MYOM1: variants seen among roughly 807,000 people sequenced by gnomAD.
The protein encoded by MYOM1 is myomesin 1, also known as myomesin-1.
A neutral mutation model predicts 205.3 loss-of-function variants in MYOM1; 164 were observed. That is an observed-to-expected ratio of 0.80 (90% confidence interval 0.70 to 0.91). The LOEUF is 0.91. Ranked by LOEUF, MYOM1 falls within the 40% of genes least tolerant of loss-of-function variation. The probability of loss-of-function intolerance (pLI) is 0.00; values close to 1 mark genes in which losing one functional copy is unlikely to be tolerated. For missense variants in MYOM1, 2,011 were observed against 2,127.3 expected, an observed-to-expected ratio of 0.95 and a Z score of 1.08; for synonymous variants, 772 against 789.4, an observed-to-expected ratio of 0.98 and a Z score of 0.37.
upstream of MYOM1, among the ~76,000 whole-genome samples, chr18:3,222,533 A>G (rs1248617138): frequency 6.6e-6 from 1 of 152,244 alleles, no homozygotes; most frequent in African/African-American, 2.4e-5. Context: ...TATTTTTAAC[A>G]AGGATGAAAG....
At position 3,178,169 on chromosome 18, in the gene MYOM1, G is replaced by A. The variant is rs192819678; in HGVS notation, c.930-2035C>T. On this transcript the variant is annotated intron_variant, in intron 5 of 37. Transcript: ENST00000356443. ...AGCCCACTTCGCACGCACAGATGAC[G>A]TCAATAACCCTGATTAACATAGCTG... 2.2e-4 allele frequency among the ~76,000 whole-genome samples: 33 copies of A among 152,302 alleles called. No homozygotes were observed. In the East Asian group the frequency reaches 6.4e-3, roughly 29 times the overall value.
rs1029208163 is a variant in MYOM1 at position 3,135,002 on chromosome 18, G to A, written c.2210-178C>T. ...CTCGCTCTGTCACCCAGGCTGGAGAGCAGTGGCGGGATCTCGGCTCACTGC... is the reference window on the plus strand; with the variant it reads ...CTCGCTCTGTCACCCAGGCTGGAGAACAGTGGCGGGATCTCGGCTCACTGC... On this transcript the variant is annotated intron_variant, in intron 15 of 37. Coordinates refer to ENST00000356443, the MANE Select transcript of MYOM1 (RefSeq NM_003803.4). This position sits in a 1 kb window ranked among gnomAD's most constrained non-coding sequence, Gnocchi z 4.1. The A allele has an allele frequency of 3.3e-5, 20 of 597,708 alleles. No individual in the cohort carries two copies. The highest frequency in any genetic ancestry group is 5.1e-5 in the Non-Finnish European group (18 of 349,728). The allele number at this position is 597,708 out of a possible 1,614,324, so 37.0% of individuals were successfully genotyped here.
chr18:3,133,772 C>T (rs555761308), intron 16 of MYOM1, among the ~76,000 whole-genome samples: 2 of 152,140 alleles, frequency 1.3e-5, no homozygotes, highest in Non-Finnish European at 2.9e-5. Flanking sequence ...AAGTGTTTAA[C>T]ATCATAAGTG....
At chr18:3,101,909 C>T (rs1359336297) in intron 23 of MYOM1, among the ~76,000 whole-genome samples, 2 of 151,368 alleles carry the variant, frequency 1.3e-5, no homozygotes, top group Non-Finnish European at 2.9e-5. Flanking sequence ...TGGTCTTGAA[C>T]CCCTAGGCTC....
chr18:3,165,384 C>G (rs1175763319), intron 9 of MYOM1, among the ~76,000 whole-genome samples: 1 of 152,092 alleles, frequency 6.6e-6, no homozygotes, highest in South Asian at 2.1e-4. Flanking sequence ...ATTCAGGATG[C>G]CTGTTTATGT....
chr18:3,134,590 C>A, intron 16 of MYOM1, 60 bp downstream of exon 16: 1 of 1,498,340 alleles, frequency 6.7e-7, no homozygotes, highest in South Asian at 1.4e-5. Flanking sequence ...GTCTGTGTGC[C>A]GTATGTGTCT....
chr18:3,202,633 A>G (rs895790394), intron 2 of MYOM1, among the ~76,000 whole-genome samples: 2 of 152,176 alleles, frequency 1.3e-5, no homozygotes, highest in African/African-American at 4.8e-5. Context: ...ATGTATATAC[A>G]CCTAACAACA....
intron 5 of MYOM1, among the ~76,000 whole-genome samples, chr18:3,176,711 T>C (rs971515852): frequency 6.6e-6 from 1 of 151,244 alleles, no homozygotes; most frequent in Non-Finnish European, 1.5e-5. Flanking sequence ...TGAAATACCA[T>C]CTCTACTAGT....
At chr18:3,214,214 C>CTGTGA (rs1406927904) in intron 2 of MYOM1, among the ~76,000 whole-genome samples, 1 of 152,182 alleles carries the variant, frequency 6.6e-6, no homozygotes, top group African/African-American at 2.4e-5. Context: ...GTTCAGTCTC[C>CTGTGA]TGTGCCCTGT....
chr18:3,149,516 C>T (rs1290490899), intron 12 of MYOM1, among the ~76,000 whole-genome samples: 1 of 152,132 alleles, frequency 6.6e-6, no homozygotes, highest in East Asian at 1.9e-4. Context: ...TCTCCTGGAA[C>T]AGGTAGGCTT....
At chr18:3,082,204 G>T (rs2143673513) in intron 33 of MYOM1, among the ~76,000 whole-genome samples, 1 of 152,276 alleles carries the variant, frequency 6.6e-6, no homozygotes, top group Admixed American at 6.5e-5. Flanking sequence ...ACACGGCCCA[G>T]CTCCTAGTAG....
chr18:3,134,677 C>T lies in MYOM1; in HGVS notation c.2357G>A (p.Cys786Tyr), dbSNP rs1167997442. Residue 786 changes from cysteine (C) to tyrosine (Y), a missense_variant, in exon 16 of 38, where the codon TGT becomes TAT. Coordinates refer to ENST00000356443, the MANE Select transcript of MYOM1 (RefSeq NM_003803.4). ...SVAGSGKWEP[C>Y]NNNPVKGSRF... is the part of the protein sequence containing the mutation. ...TGAGCCCTTCACGGGGTTGTTGTTA[C>T]AGGGCTCCCACTTGCCAGAGCCAGC... 2 of 1,613,714 alleles carry T rather than the reference C, an allele frequency of 1.2e-6. No individual in the cohort carries two copies. The highest frequency in any genetic ancestry group is 3.3e-5 in the Admixed American group (2 of 59,998).
chr18:3,108,888 T>C (rs928293345), intron 22 of MYOM1, among the ~76,000 whole-genome samples: 2 of 152,046 alleles, frequency 1.3e-5, no homozygotes, highest in African/African-American at 4.8e-5. Flanking sequence ...ACCCACCAGG[T>C]AGTGCCTTGT....
At chr18:3,091,477 T>TA (rs781385054) in intron 26 of MYOM1, among the ~76,000 whole-genome samples, 558 of 144,316 alleles carry the variant, frequency 3.9e-3, no homozygotes, top group Middle Eastern at 7.0e-3. Flanking sequence ...AGACCATGTC[T>TA]AAAAAAAAAA....
chr18:3,193,543 C>T (rs999569665), intron 3 of MYOM1, among the ~76,000 whole-genome samples: 1 of 152,142 alleles, frequency 6.6e-6, no homozygotes. Flanking sequence ...AACCATCCTA[C>T]GTGATGGCAA....
chr18:3,180,836 T>G (rs1325264678), intron 5 of MYOM1, among the ~76,000 whole-genome samples: 1 of 152,120 alleles, frequency 6.6e-6, no homozygotes, highest in African/African-American at 2.4e-5. Context: ...GGGGTCACAG[T>G]AAAAGCTCTT....
At position 3,072,370 on chromosome 18, in the gene MYOM1, T is replaced by TTTTTTTTTTTTTTTG. The variant is rs768555182; in HGVS notation, c.4709-482_4709-481insCAAAAAAAAAAAAAA. Among the ~76,000 whole-genome samples the TTTTTTTTTTTTTTTG allele has an allele frequency of 7.7e-3, 893 of 115,892 alleles. 98 individuals carry two copies. The highest frequency in any genetic ancestry group is 0.012 in the East Asian group (46 of 3,840). The allele number at this position is 115,892 out of a possible 152,430, so 76.0% of individuals were successfully genotyped here. On this transcript the variant is annotated intron_variant, in intron 36 of 37. Transcript: ENST00000356443. ...CCCGGCTTTTTTTTTTTTTTTTTTT[T>TTTTTTTTTTTTTTTG]TGAGGCAGAGTCTCGCTCTGTCACC...
At position 3,102,525 on chromosome 18, in the gene MYOM1, T is replaced by C. The variant is rs1567906562; in HGVS notation, c.3524A>G (p.Tyr1175Cys). Residue 1175 changes from tyrosine (Y) to cysteine (C), a missense_variant, in exon 23 of 38, where the codon TAT (tyrosine) becomes TGT (cysteine). Coordinates refer to ENST00000356443, the MANE Select transcript of MYOM1 (RefSeq NM_003803.4). ...PKSEFSWSKD[Y>C]VSTEDSPRLE... The stretch of plus-strand genomic sequence containing the variant: ...TCGTGGAGAGTCCTCAGTGGATACA[T>C]AATCTTTGGACCAGGAGAACTCGGA... 1.2e-6 allele frequency: 2 copies of C among 1,613,944 alleles called. No homozygotes were observed. Among genetic ancestry groups the C allele is most frequent in the East Asian group, 2.2e-5 (1 of 44,876 alleles).
intron 22 of MYOM1, among the ~76,000 whole-genome samples, chr18:3,106,377 G>C (rs1478996464): frequency 2.6e-5 from 4 of 152,138 alleles, no homozygotes; most frequent in African/African-American, 9.7e-5. Context: ...GTTATTTTTA[G>C]GTTCTAAGCC....
Sources: gnomAD v4.1 joint callset for allele counts (sites outside exome capture counted in the v4.1 genomes callset) on GRCh38, gnomAD v4.1.1 for gene constraint, Gnocchi (gnomAD v3.1) non-coding constraint, MANE v1.5 for transcripts, NCBI Gene and HGNC (gene_info 2026-07-23, HGNC 2026-07-21) for gene names.